Variants in LTF observed in about 807,000 individuals in gnomAD.
The protein encoded by LTF is epididymis luminal protein 110.
Under a neutral mutation model 87.2 loss-of-function variants are expected in LTF, and 91 were observed. That is an observed-to-expected ratio of 1.04 (90% CI 0.88 to 1.24). The LOEUF (loss-of-function observed/expected upper bound fraction) is 1.24, where lower values mean the gene tolerates loss of function less well. LTF is among the 50% of genes most tolerant of loss of function. The probability of loss-of-function intolerance (pLI) is 0.00; values close to 1 mark genes in which losing one functional copy is unlikely to be tolerated. For synonymous variants in LTF, 378 were observed against 356.1 expected, an observed-to-expected ratio of 1.06 and a Z score of -0.69; for missense variants, 901 against 904.3, an observed-to-expected ratio of 1.00 and a Z score of 0.05.
intron 6 of LTF, among the ~76,000 whole-genome samples, chr3:46,452,770 T>C (rs1204636551): frequency 6.6e-6 from 1 of 152,248 alleles, no homozygotes; most frequent in Admixed American, 6.5e-5. Flanking sequence ...AGAAAAAATA[T>C]ACTTTTTTTA....
chr3:46,470,790 C>T (rs1042681213), intron 1 of LTF, among the ~76,000 whole-genome samples: 2 of 152,220 alleles, frequency 1.3e-5, no homozygotes, highest in African/African-American at 4.8e-5. Flanking sequence ...CTCCCTGGAC[C>T]TAGGTCAGTC....
intron 1 of LTF, among the ~76,000 whole-genome samples, chr3:46,460,790 T>C (rs908976938): frequency 2.7e-5 from 4 of 148,894 alleles, no homozygotes; most frequent in African/African-American, 1.0e-4. Flanking sequence ...TACTTTCAGA[T>C]AACATGATCT....
intron 1 of LTF, 145 bp downstream of exon 1, chr3:46,464,680 G>T: frequency 1.2e-6 from 1 of 809,206 alleles, no homozygotes; most frequent in Non-Finnish European, 2.0e-6. Flanking sequence ...CCCGCGTCCG[G>T]GCCGCCTCCC....
At chr3:46,483,002 G>A (rs1575331236) in intron 1 of LTF, among the ~76,000 whole-genome samples, 1 of 152,208 alleles carries the variant, frequency 6.6e-6, no homozygotes, top group East Asian at 1.9e-4. Flanking sequence ...GCATTTGCCA[G>A]TTTCTGTGGT....
intron 7 of LTF, 150 bp from the exon 8 acceptor site, chr3:46,450,178 A>G (rs1031572814): frequency 1.4e-6 from 1 of 697,156 alleles, no homozygotes. Flanking sequence ...GACTTGTGCC[A>G]TCTCGGAGAC....
chr3:46,472,527 T>TGTGAGAGA (rs1402389714), intron 1 of LTF, among the ~76,000 whole-genome samples: 1 of 130,728 alleles, frequency 7.6e-6, no homozygotes, highest in African/African-American at 3.0e-5. Context: ...TGTGTGTGTG[T>TGTGAGAGA]GAGAGAGAGA....
At chr3:46,456,167 C>T in intron 3 of LTF, 123 bp downstream of exon 3, 1 of 957,058 alleles carries the variant, frequency 1.0e-6, no homozygotes, top group African/African-American at 1.6e-5. Flanking sequence ...CCCAGCGACT[C>T]CATTCCCTAC....
At chr3:46,475,386 G>C (rs745570960) in intron 1 of LTF, among the ~76,000 whole-genome samples, 3 of 152,102 alleles carry the variant, frequency 2.0e-5, no homozygotes, top group Non-Finnish European at 2.9e-5. Flanking sequence ...ACCGAAAAGA[G>C]GAAATACTCT....
At position 46,449,938 on chromosome 3, in the gene LTF, CA is replaced by C; in HGVS notation, c.972del (p.Ile324MetfsTer10). On this transcript the variant is annotated frameshift_variant, in exon 8 of 17. Transcript: ENST00000231751. LOFTEE classifies it high-confidence loss of function. Reference sequence around the variant, plus strand: ...ATCCTCGGGGGCACCCTCGAAAACCCAATGGCAGAGTCCTTGAACAGCAGAT... The same window carrying C: ...ATCCTCGGGGGCACCCTCGAAAACCCATGGCAGAGTCCTTGAACAGCAGAT... ...QKDLLFKDSA[I>X]GFSRVPPRID... 1 of 1,614,168 alleles carries C rather than the reference CA, an allele frequency of 6.2e-7. No homozygotes were observed. Among genetic ancestry groups the C allele is most frequent in the Non-Finnish European group, 8.5e-7 (1 of 1,180,042 alleles).
intron 6 of LTF, among the ~76,000 whole-genome samples, chr3:46,451,550 T>A (rs181572670): frequency 6.6e-6 from 1 of 151,292 alleles, no homozygotes; most frequent in African/African-American, 2.4e-5. Flanking sequence ...TTGTGTGTGG[T>A]TTTTTTTTCA....
At position 46,443,464 on chromosome 3, in the gene LTF, G is replaced by A. The variant is rs751708912; in HGVS notation, c.1632C>T (p.Tyr544=). 1 of 1,614,102 alleles carries A rather than the reference G, an allele frequency of 6.2e-7. No individual in the cohort carries two copies. Among genetic ancestry groups the A allele is most frequent in the African/African-American group, 1.3e-5 (1 of 74,938 alleles). ...ACCGGAAAGCCCCAGTGTAGCCGTA[G>A]TATCTCTCGTTGCTGTTGGGCACGC... ...NKCVPNSNER[Y]YGYTGAFRCL... is the part of the protein sequence containing the mutation. Residue 544 remains tyrosine, a synonymous_variant, in exon 13 of 17, where the codon TAC becomes TAT. Coordinates refer to ENST00000231751, the MANE Select transcript of LTF (RefSeq NM_002343.6).
chr3:46,467,896 C>A (rs1364290381), upstream of LTF, among the ~76,000 whole-genome samples: 1 of 152,094 alleles, frequency 6.6e-6, no homozygotes, highest in African/African-American at 2.4e-5. Context: ...TGTTCATCTG[C>A]CTCTGGAAAG....
chr3:46,469,671 AG>A (rs1182568747), upstream of LTF: 4 of 152,728 alleles, frequency 2.6e-5, no homozygotes, highest in African/African-American at 9.6e-5. Flanking sequence ...TACCCACCCA[AG>A]TCCCCCCAAG....
At chr3:46,468,308 A>G, upstream of LTF, 1 of 456,778 alleles carries the variant, frequency 2.2e-6, no homozygotes, top group Non-Finnish European at 4.4e-6. Context: ...GTTGGGTCAG[A>G]TCTCAAAGAG....
chr3:46,439,352 C>T lies in LTF; in HGVS notation c.1852G>A (p.Val618Met), dbSNP rs1010790612. 34 of 1,614,110 alleles carry T rather than the reference C, an allele frequency of 2.1e-5. No individual in the cohort carries two copies. The highest frequency in any genetic ancestry group is 1.3e-4 in the African/African-American group (10 of 74,952). Reference protein sequence around the residue: ...CHLAMAPNHAVVSRMDKVERL... With the variant: ...CHLAMAPNHAMVSRMDKVERL... Reference sequence around the variant, plus strand: ...TCCACCTTATCCATCCGAGACACCACGGCATGATTCGGGGCCATGGCAAGA... The same window carrying T: ...TCCACCTTATCCATCCGAGACACCATGGCATGATTCGGGGCCATGGCAAGA... Residue 618 changes from valine (V) to methionine (M), a missense_variant, in exon 15 of 17, where the codon GTG becomes ATG. Transcript: ENST00000231751.
At chr3:46,450,262 T>C (rs1294374689) in intron 7 of LTF, among the ~76,000 whole-genome samples, 1 of 151,972 alleles carries the variant, frequency 6.6e-6, no homozygotes, top group Non-Finnish European at 1.5e-5. Flanking sequence ...GAAGATTGCA[T>C]CGACCACCCC....
upstream of LTF, among the ~76,000 whole-genome samples, chr3:46,466,937 G>A (rs953537938): frequency 2.0e-5 from 3 of 152,246 alleles, no homozygotes; most frequent in Non-Finnish European, 4.4e-5. Context: ...AGAGGGCCCT[G>A]GGCCCTCTTA....
intron 4 of LTF, 92 bp downstream of exon 4, chr3:46,455,702 CCA>C: frequency 7.1e-7 from 1 of 1,414,272 alleles, no homozygotes; most frequent in Non-Finnish European, 9.6e-7. Flanking sequence ...TTGATTCATC[CCA>C]CACTTTCACC....
At chr3:46,458,202 A>G (rs1702988154) in intron 2 of LTF, among the ~76,000 whole-genome samples, 1 of 151,978 alleles carries the variant, frequency 6.6e-6, no homozygotes, top group Admixed American at 6.6e-5. Context: ...TATGAATTAC[A>G]TTTTCTGTAT....
Sources: gnomAD v4.1 joint callset for allele counts (sites outside exome capture counted in the v4.1 genomes callset) on GRCh38, gnomAD v4.1.1 for gene constraint, MANE v1.5 for transcripts, NCBI Gene and HGNC (gene_info 2026-07-23, HGNC 2026-07-21) for gene names.